ATAD2B: variants seen among roughly 807,000 people sequenced by gnomAD.
ATAD2B encodes ATPase family AAA domain-containing protein 2B.
ATAD2B carries 40 observed loss-of-function variants against 167.6 expected under a neutral mutation model. The observed-to-expected ratio is 0.24, with a 90% CI of 0.19 to 0.31. The LOEUF is 0.31. Ranked by LOEUF, ATAD2B falls within the 10% of genes least tolerant of loss-of-function variation. The probability of loss-of-function intolerance (pLI) is 1.00; values close to 1 mark genes in which losing one functional copy is unlikely to be tolerated. For synonymous variants in ATAD2B, 579 were observed against 596.5 expected (o/e 0.97, Z 0.43); for missense variants, 1,242 against 1,757.2 (o/e 0.71, Z 5.24).
intron 22 of ATAD2B, among the ~76,000 whole-genome samples, chr2:23,769,618 A>T (rs1293050346): frequency 1.3e-5 from 2 of 151,522 alleles, no homozygotes; most frequent in African/African-American, 4.9e-5. Context: ...ACAGTGCATC[A>T]TAGTTCCTGT....
the ATAD2B span, among the ~76,000 whole-genome samples, chr2:23,733,411 T>C: frequency 6.6e-6 from 1 of 152,340 alleles, no homozygotes. Context: ...AGACACCCTC[T>C]ACCTGCTGCT....
chr2:23,773,232 A>G (rs893164903), intron 22 of ATAD2B, among the ~76,000 whole-genome samples: 2 of 152,208 alleles, frequency 1.3e-5, no homozygotes, highest in African/African-American at 4.8e-5. Flanking sequence ...ATGGTTGGGC[A>G]TGTTGGCTCA....
In ATAD2B at chr2:23,749,359, G is replaced by A. The variant is rs760272953; in HGVS notation, c.*2687C>T. ...CATCTGAGAGCAAGGTTTTACATAG[G>A]AGCTTATCTTTATAATGCTCACAAT... On this transcript the variant is annotated 3_prime_UTR_variant, in exon 28 of 28. Coordinates refer to ENST00000238789, the MANE Select transcript of ATAD2B (RefSeq NM_017552.4). The A allele has an allele frequency of 3.9e-5, 6 of 152,152 alleles. No individual in the cohort carries two copies. In the South Asian group the frequency reaches 6.2e-4, roughly 16 times the overall value. The allele number at this position is 152,152 out of a possible 1,614,324, so 9.4% of individuals were successfully genotyped here. A position where few individuals can be genotyped will look rare whatever the true frequency, so the allele number is the denominator to read the frequency against.
chr2:23,918,364 C>T (rs1482823802), intron 1 of ATAD2B, among the ~76,000 whole-genome samples: 1 of 151,940 alleles, frequency 6.6e-6, no homozygotes, highest in African/African-American at 2.4e-5. Context: ...CAGCAAGATC[C>T]TGTCTCAAAA....
At chr2:23,696,007 C>T in the ATAD2B span, 46 of 1,551,536 alleles carry the variant, frequency 3.0e-5, no homozygotes, top group East Asian at 7.3e-5. This position sits in a 1 kb window ranked among gnomAD's most constrained non-coding sequence, Gnocchi z 5.5. Flanking sequence ...GATGACCCAG[C>T]GCTCGCTGGT....
At chr2:23,842,056 G>C (rs2149813951) in intron 13 of ATAD2B, among the ~76,000 whole-genome samples, 1 of 152,010 alleles carries the variant, frequency 6.6e-6, no homozygotes, top group East Asian at 1.9e-4. Flanking sequence ...TTTTGTTTTT[G>C]CCAATCTGAC....
At chr2:23,893,795 G>T (rs1417862097) in intron 2 of ATAD2B, among the ~76,000 whole-genome samples, 1 of 150,328 alleles carries the variant, frequency 6.7e-6, no homozygotes, top group Non-Finnish European at 1.5e-5. Context: ...TTAGCCTTTC[G>T]AGTAGATCGG....
chr2:23,905,635 G>C (rs139438136), intron 1 of ATAD2B, among the ~76,000 whole-genome samples: 7 of 152,296 alleles, frequency 4.6e-5, no homozygotes, highest in Non-Finnish European at 7.4e-5. Context: ...TACCTCATGA[G>C]ATTGTTAGAA....
chr2:23,921,448 G>A (rs977819072), intron 1 of ATAD2B, among the ~76,000 whole-genome samples: 4 of 152,084 alleles, frequency 2.6e-5, no homozygotes, highest in Admixed American at 6.5e-5. Flanking sequence ...TCTACCACTT[G>A]TCCAGCTGGA....
At chr2:23,801,234 A>C (rs1440013032) in intron 18 of ATAD2B, among the ~76,000 whole-genome samples, 2 of 152,146 alleles carry the variant, frequency 1.3e-5, no homozygotes, top group Non-Finnish European at 2.9e-5. Context: ...CAACAGGAAA[A>C]AAAAAAGTTT....
At position 23,926,853 on chromosome 2, in the gene ATAD2B, C is replaced by G; in HGVS notation, c.-83G>C. On this transcript the variant is annotated 5_prime_UTR_variant, in exon 1 of 28. Coordinates refer to ENST00000238789, the MANE Select transcript of ATAD2B (RefSeq NM_017552.4). Reference sequence around the variant, plus strand: ...CCGCCGGCCGGTCAGTCAGGGCCAGCGGAGCCGAGCCGGGCAATGAGAGAC... The same window carrying G: ...CCGCCGGCCGGTCAGTCAGGGCCAGGGGAGCCGAGCCGGGCAATGAGAGAC... 1 of 1,425,398 alleles carries G rather than the reference C, an allele frequency of 7.0e-7. No individual in the cohort carries two copies. The allele number at this position is 1,425,398 out of a possible 1,614,324, so 88.3% of individuals were successfully genotyped here. A position where few individuals can be genotyped will look rare whatever the true frequency, so the allele number is the denominator to read the frequency against.
At chr2:23,745,437 G>A (rs1412183541), downstream of ATAD2B, among the ~76,000 whole-genome samples, 3 of 132,154 alleles carry the variant, frequency 2.3e-5, no homozygotes, top group East Asian at 2.3e-4. Flanking sequence ...GAAGGGAAGG[G>A]AAGGGAAGGG....
Position 23,782,986 on chromosome 2 carries a change from A to G in ATAD2B, c.3016T>C (p.Ser1006Pro). The G allele has an allele frequency of 6.3e-7, 1 of 1,575,186 alleles. No homozygotes were observed. The highest frequency in any genetic ancestry group is 8.7e-7 in the Non-Finnish European group (1 of 1,146,586). Reference sequence around the variant, plus strand: ...TTATCAATTTTAGTTATTACTGTTGATAAGTCCATTGGTTCCTTGATTACT... The same window carrying G: ...TTATCAATTTTAGTTATTACTGTTGGTAAGTCCATTGGTTCCTTGATTACT... ...LEVIKEPMDL[S>P]TVITKIDKHN... Residue 1006 changes from serine to proline, a missense_variant, in exon 22 of 28, where the codon TCA (serine) becomes CCA (proline). Coordinates refer to ENST00000238789, the MANE Select transcript of ATAD2B (RefSeq NM_017552.4).
chr2:23,706,469 TTCCCCCAACAG>T, the ATAD2B span: 1 of 1,468,596 alleles, frequency 6.8e-7, no homozygotes, highest in Non-Finnish European at 9.0e-7. Context: ...TGTCCCCGCT[TTCCCCCAACAG>T]TGCTGTGGTG....
the ATAD2B span, among the ~76,000 whole-genome samples, chr2:23,737,129 C>A: frequency 1.3e-5 from 2 of 152,194 alleles, no homozygotes; most frequent in Non-Finnish European, 2.9e-5. Flanking sequence ...GGGCAGGGCA[C>A]AGACAAACAA....
the ATAD2B span, among the ~76,000 whole-genome samples, chr2:23,726,678 G>C: frequency 1.3e-5 from 2 of 152,054 alleles, no homozygotes; most frequent in Admixed American, 1.3e-4. Flanking sequence ...ACCTTAAAAA[G>C]GAAGGAAATT....
At chr2:23,875,759 TAAAG>T (rs1696729819) in intron 8 of ATAD2B, 66 bp downstream of exon 8, 2 of 1,019,804 alleles carry the variant, frequency 2.0e-6, no homozygotes, top group African/African-American at 1.6e-5. Context: ...AGTCACTAAT[TAAAG>T]AAAGAAAGAC....
chr2:23,763,370 A>G (rs552229483), intron 23 of ATAD2B, among the ~76,000 whole-genome samples: 3 of 152,328 alleles, frequency 2.0e-5, no homozygotes, highest in Admixed American at 6.5e-5. Context: ...TACAATTTAT[A>G]TAACATAAAA....
chr2:23,714,487 G>A, the ATAD2B span, among the ~76,000 whole-genome samples: 6 of 148,648 alleles, frequency 4.0e-5, no homozygotes, highest in African/African-American at 1.5e-4. Flanking sequence ...TGATCCACCC[G>A]CCTCGGCCTC....
Sources: allele counts gnomAD v4.1 joint callset (sites outside exome capture counted in the v4.1 genomes callset), GRCh38; gene constraint gnomAD v4.1.1; non-coding constraint Gnocchi (gnomAD v3.1); transcripts MANE v1.5; gene names NCBI Gene and HGNC (gene_info 2026-07-23, HGNC 2026-07-21).